The following ATXN7L1 variants were observed in gnomAD, a reference collection of about 807,000 sequenced individuals.
ATXN7L1 encodes the protein ataxin-7-like protein 1.
In ATXN7L1, 15 loss-of-function variants were observed where a neutral mutation model predicts 70.8. The observed-to-expected ratio is 0.21, with a 90% confidence interval of 0.14 to 0.33. ATXN7L1 has a LOEUF of 0.33. Ranked by LOEUF, ATXN7L1 falls within the 10% of genes least tolerant of loss-of-function variation. The pLI is 1.00. For synonymous variants in ATXN7L1, 440 were observed against 445.1 expected (o/e 0.99, Z 0.14); for missense variants, 975 against 1,097.1 (o/e 0.89, Z 1.57).
chr7:105,822,807 C>T (rs1004109723), intron 2 of ATXN7L1, among the ~76,000 whole-genome samples: 8 of 152,162 alleles, frequency 5.3e-5, no homozygotes, highest in Non-Finnish European at 7.3e-5. Context: ...TCTAAGTGAG[C>T]TTTATATGCC....
intron 4 of ATXN7L1, among the ~76,000 whole-genome samples, chr7:105,652,469 C>T (rs1053286909): frequency 6.6e-6 from 1 of 152,198 alleles, no homozygotes; most frequent in Non-Finnish European, 1.5e-5. Context: ...AGCACCCTGT[C>T]CCCAGCACTG....
chr7:105,818,422 CT>C (rs1809527752), intron 2 of ATXN7L1, among the ~76,000 whole-genome samples: 1 of 152,140 alleles, frequency 6.6e-6, no homozygotes, highest in Admixed American at 6.5e-5. Context: ...TCCCAAAGTG[CT>C]GGGATTACAG....
intron 4 of ATXN7L1, chr7:105,649,701 TA>T: frequency 1.8e-6 from 1 of 542,146 alleles, no homozygotes; most frequent in Non-Finnish European, 2.4e-6. Flanking sequence ...AGAAATGCCT[TA>T]AGAGAATGGT....
chr7:105,797,639 T>C (rs1806189649), intron 2 of ATXN7L1, among the ~76,000 whole-genome samples: 2 of 152,256 alleles, frequency 1.3e-5, no homozygotes, highest in African/African-American at 4.8e-5. Flanking sequence ...TGGAATTAGA[T>C]GACTTATTTG....
intron 7 of ATXN7L1, among the ~76,000 whole-genome samples, chr7:105,629,355 T>C (rs137897741): frequency 2.0e-5 from 3 of 152,136 alleles, no homozygotes; most frequent in Non-Finnish European, 4.4e-5. Flanking sequence ...ACTGAAATCA[T>C]ACAGTAGTTG....
intron 9 of ATXN7L1, among the ~76,000 whole-genome samples, chr7:105,615,287 C>A (rs374030872): frequency 1.3e-5 from 2 of 152,124 alleles, no homozygotes; most frequent in Admixed American, 6.5e-5. Flanking sequence ...ACACAGGGGC[C>A]GGAGCTTCCC....
At chr7:105,640,389 T>A (rs896623962) in intron 5 of ATXN7L1, among the ~76,000 whole-genome samples, 1 of 152,198 alleles carries the variant, frequency 6.6e-6, no homozygotes, top group African/African-American at 2.4e-5. Flanking sequence ...AGCTCCTGCC[T>A]TCCAGTTGAC....
chr7:105,660,675 A>G (rs1276623348), intron 4 of ATXN7L1, among the ~76,000 whole-genome samples: 1 of 133,254 alleles, frequency 7.5e-6, no homozygotes. Flanking sequence ...CTCCGCCTCC[A>G]GGGTTCAAGC....
intron 4 of ATXN7L1, among the ~76,000 whole-genome samples, chr7:105,652,143 C>T (rs1165663286): frequency 2.0e-5 from 3 of 152,080 alleles, no homozygotes; most frequent in Admixed American, 1.3e-4. Context: ...AAGGAAAAAT[C>T]GAGCCCTCAT....
At chr7:105,610,435 G>T in intron 11 of ATXN7L1, 94 bp downstream of exon 11, 2 of 1,155,908 alleles carry the variant, frequency 1.7e-6, no homozygotes, top group Non-Finnish European at 2.5e-6. Flanking sequence ...TGGAGATGAG[G>T]TTTGAATCAG....
At chr7:105,636,520 C>T (rs1236169002) in intron 7 of ATXN7L1, among the ~76,000 whole-genome samples, 1 of 151,208 alleles carries the variant, frequency 6.6e-6, no homozygotes, top group East Asian at 1.9e-4. Flanking sequence ...TTCCTGCTTC[C>T]TTAACAGAAC....
At chr7:105,779,075 G>A (rs61108238) in intron 3 of ATXN7L1, among the ~76,000 whole-genome samples, 7,502 of 152,236 alleles carry the variant, frequency 0.049, 408 homozygotes, top group East Asian at 0.19. Flanking sequence ...TTTAGTTATG[G>A]TATTGCAGCG....
intron 2 of ATXN7L1, among the ~76,000 whole-genome samples, chr7:105,805,566 C>A (rs1585046774): frequency 6.6e-6 from 1 of 152,320 alleles, no homozygotes; most frequent in East Asian, 1.9e-4. Context: ...CCTCAAGGAG[C>A]TCACAGATCA....
At chr7:105,611,673 C>T (rs1793165571) in intron 10 of ATXN7L1, among the ~76,000 whole-genome samples, 1 of 152,222 alleles carries the variant, frequency 6.6e-6, no homozygotes, top group Non-Finnish European at 1.5e-5. Flanking sequence ...CACCTGGCTA[C>T]ATTCACAGTC....
intron 3 of ATXN7L1, among the ~76,000 whole-genome samples, chr7:105,738,967 A>T (rs1197388171): frequency 6.6e-6 from 1 of 151,932 alleles, no homozygotes; most frequent in Admixed American, 6.5e-5. Flanking sequence ...AAGGGGGAAA[A>T]ATTTGCAACC....
At chr7:105,637,341 T>C (rs1797536907) in intron 7 of ATXN7L1, among the ~76,000 whole-genome samples, 1 of 152,216 alleles carries the variant, frequency 6.6e-6, no homozygotes, top group Non-Finnish European at 1.5e-5. Context: ...TTTACGACTA[T>C]GTCCTCTTAA....
chr7:105,657,312 C>T (rs1360027922), intron 4 of ATXN7L1, among the ~76,000 whole-genome samples: 1 of 152,132 alleles, frequency 6.6e-6, no homozygotes, highest in African/African-American at 2.4e-5. Context: ...GCCCAATTGA[C>T]ACACCATTGA....
rs150634857 is a variant in ATXN7L1, at chr7:105,612,043, C to T, written c.2473-1440G>A. On this transcript the variant is annotated intron_variant, in intron 10 of 11. Coordinates refer to ENST00000419735, the MANE Select transcript of ATXN7L1 (RefSeq NM_020725.2). ...TACTTGGCTGCTCCTTTCACCACCGCTTCTGGCTGACTCAGCATTTACTAA... is the reference window on the plus strand; with the variant it reads ...TACTTGGCTGCTCCTTTCACCACCGTTTCTGGCTGACTCAGCATTTACTAA... Among the ~76,000 whole-genome samples, 546 of 152,322 alleles carry T rather than the reference C, an allele frequency of 3.6e-3. 3 individuals carry two copies. Among genetic ancestry groups the T allele is most frequent in the Non-Finnish European group, 5.5e-3 (377 of 68,038 alleles).
At chr7:105,757,259 G>C (rs1799919416) in intron 3 of ATXN7L1, among the ~76,000 whole-genome samples, 1 of 152,116 alleles carries the variant, frequency 6.6e-6, no homozygotes, top group Non-Finnish European at 1.5e-5. Context: ...TAGAGAGAAG[G>C]TAAGGACAAA....
Sources: allele counts gnomAD v4.1 joint callset (sites outside exome capture counted in the v4.1 genomes callset), GRCh38; gene constraint gnomAD v4.1.1; transcripts MANE v1.5; gene names NCBI Gene and HGNC (gene_info 2026-07-23, HGNC 2026-07-21).